Variants in SPIRE1 observed in about 807,000 individuals in gnomAD.
SPIRE1 encodes the protein protein spire homolog 1.
SPIRE1 carries 40 observed loss-of-function variants against 94.1 expected under a neutral mutation model. The observed-to-expected ratio is 0.43, with a 90% CI of 0.33 to 0.55. SPIRE1 has a LOEUF of 0.55. Among genes scored for constraint, SPIRE1 ranks in the 20% least tolerant of loss-of-function variants. The probability of loss-of-function intolerance (pLI) is 0.06; values close to 1 mark genes in which losing one functional copy is unlikely to be tolerated. For synonymous variants in SPIRE1, 376 were observed against 371.7 expected (o/e 1.01, Z -0.13); for missense variants, 838 against 975.2 (o/e 0.86, Z 1.87).
At chr18:12,501,088 A>G (rs1157899248) in intron 6 of SPIRE1, among the ~76,000 whole-genome samples, 11 of 147,572 alleles carry the variant, frequency 7.5e-5, no homozygotes, top group East Asian at 5.9e-4. Context: ...AAAAAAAAAA[A>G]AAAAAAAGAA....
intron 5 of SPIRE1, among the ~76,000 whole-genome samples, chr18:12,509,860 A>C (rs2033967735): frequency 6.6e-6 from 1 of 152,136 alleles, no homozygotes; most frequent in Admixed American, 6.5e-5. Flanking sequence ...AGGCGGGCGG[A>C]TCACCAGGTA....
chr18:12,584,465 A>G (rs2036339272), intron 2 of SPIRE1, among the ~76,000 whole-genome samples: 1 of 152,120 alleles, frequency 6.6e-6, no homozygotes, highest in African/African-American at 2.4e-5. Context: ...TAAGAAAAAC[A>G]GTATTTAAAA....
At chr18:12,641,282 A>C (rs1015338934) in intron 1 of SPIRE1, among the ~76,000 whole-genome samples, 1 of 152,174 alleles carries the variant, frequency 6.6e-6, no homozygotes, top group African/African-American at 2.4e-5. Context: ...TATTATTACT[A>C]GGAAAAAAAA....
At chr18:12,658,180 C>G (rs1187228400), upstream of SPIRE1, 3 of 796,684 alleles carry the variant, frequency 3.8e-6, no homozygotes, top group Non-Finnish European at 5.1e-6. Context: ...GGGGGCCGCA[C>G]GGGCCGGGGG....
At chr18:12,479,614 C>T in intron 10 of SPIRE1, 85 bp downstream of exon 10, 1 of 1,288,288 alleles carries the variant, frequency 7.8e-7, no homozygotes, top group Admixed American at 2.5e-5. Context: ...TAAGCAACAA[C>T]TGAAGCAAGA....
intron 3 of SPIRE1, among the ~76,000 whole-genome samples, chr18:12,539,908 C>G (rs1462628708): frequency 7.3e-6 from 1 of 137,012 alleles, no homozygotes; most frequent in East Asian, 2.1e-4. Context: ...GCCTGGGCAA[C>G]AGAGAGAGAC....
intron 2 of SPIRE1, among the ~76,000 whole-genome samples, chr18:12,554,975 A>C (rs977986938): frequency 3.9e-5 from 6 of 152,198 alleles, no homozygotes; most frequent in Non-Finnish European, 8.8e-5. Flanking sequence ...CTGCACCTGG[A>C]CAATGAGAGT....
intron 2 of SPIRE1, among the ~76,000 whole-genome samples, chr18:12,593,648 A>C (rs1314502982): frequency 1.3e-5 from 2 of 152,206 alleles, no homozygotes; most frequent in African/African-American, 4.8e-5. Context: ...TGGGAGATAC[A>C]CTTAAGAAAG....
At chr18:12,495,171 A>C (rs946638647) in intron 7 of SPIRE1, among the ~76,000 whole-genome samples, 10 of 152,116 alleles carry the variant, frequency 6.6e-5, no homozygotes, top group Non-Finnish European at 1.5e-5. Flanking sequence ...TTCACTTTCT[A>C]GTTACTTTAT....
At chr18:12,574,884 G>T (rs988645720) in intron 2 of SPIRE1, among the ~76,000 whole-genome samples, 1 of 152,126 alleles carries the variant, frequency 6.6e-6, no homozygotes, top group African/African-American at 2.4e-5. Flanking sequence ...AAGAAGGAAG[G>T]CATCGTCATA....
At chr18:12,630,088 A>G (rs1457950799) in intron 2 of SPIRE1, among the ~76,000 whole-genome samples, 1 of 152,214 alleles carries the variant, frequency 6.6e-6, no homozygotes, top group Non-Finnish European at 1.5e-5. Context: ...AAAAGTTATA[A>G]TTAAAACTAC....
chr18:12,605,977 T>C (rs1598521461), intron 2 of SPIRE1, among the ~76,000 whole-genome samples: 1 of 152,118 alleles, frequency 6.6e-6, no homozygotes, highest in African/African-American at 2.4e-5. Flanking sequence ...CTGCAGGCCT[T>C]TGTGCTTGCT....
At chr18:12,527,642 A>C (rs1317189109) in intron 4 of SPIRE1, among the ~76,000 whole-genome samples, 1 of 152,212 alleles carries the variant, frequency 6.6e-6, no homozygotes, top group African/African-American at 2.4e-5. Context: ...ATGAATATGA[A>C]GAGGCAGCTG....
chr18:12,498,652 G>A (rs979751347), intron 6 of SPIRE1, among the ~76,000 whole-genome samples: 6 of 151,984 alleles, frequency 3.9e-5, no homozygotes, highest in African/African-American at 7.3e-5. Flanking sequence ...TTTGCGACAC[G>A]GGCTTGTTCT....
At chr18:12,469,984 C>T (rs2032286688) in intron 10 of SPIRE1, among the ~76,000 whole-genome samples, 1 of 151,908 alleles carries the variant, frequency 6.6e-6, no homozygotes, top group African/African-American at 2.4e-5. Flanking sequence ...CTCTGTTGCC[C>T]AGGCTGGAGT....
chr18:12,587,722 A>G (rs1360048753), intron 2 of SPIRE1, among the ~76,000 whole-genome samples: 1 of 152,154 alleles, frequency 6.6e-6, no homozygotes. Context: ...CCAGTGATTT[A>G]GGCATTAGAG....
intron 2 of SPIRE1, among the ~76,000 whole-genome samples, chr18:12,632,496 T>A (rs2037809732): frequency 6.6e-6 from 1 of 152,136 alleles, no homozygotes; most frequent in South Asian, 2.1e-4. Flanking sequence ...GCCTCACCAC[T>A]CCTGCTTTTT....
At position 12,535,446 on chromosome 18, in the gene SPIRE1, G is replaced by A. The variant is rs1186853137; in HGVS notation, c.729+30C>T. The A allele has an allele frequency of 5.7e-6, 9 of 1,586,612 alleles. No individual in the cohort carries two copies. In the Admixed American group the frequency reaches 1.5e-4, roughly 27 times the overall value. On this transcript the variant is annotated intron_variant, in intron 4 of 16. Transcript: ENST00000409402. Reference sequence around the variant, plus strand: ...ATCAAATGCATGCCAATCAAACAATGCCAATAAATATCAAAGCAGTAGTAC... The same window carrying A: ...ATCAAATGCATGCCAATCAAACAATACCAATAAATATCAAAGCAGTAGTAC...
intron 3 of SPIRE1, among the ~76,000 whole-genome samples, chr18:12,540,905 T>C (rs936109588): frequency 3.9e-5 from 6 of 152,232 alleles, no homozygotes; most frequent in African/African-American, 1.2e-4. Context: ...CATCCTGCAC[T>C]GTCCTGCCTG....
Sources: gnomAD v4.1 joint callset for allele counts (sites outside exome capture counted in the v4.1 genomes callset) on GRCh38, gnomAD v4.1.1 for gene constraint, MANE v1.5 for transcripts, NCBI Gene and HGNC (gene_info 2026-07-23, HGNC 2026-07-21) for gene names.